DOLPP1: variants seen among roughly 807,000 people sequenced by gnomAD.
The protein encoded by DOLPP1 is dolichyldiphosphatase 1.
Under a neutral mutation model 34.1 loss-of-function variants are expected in DOLPP1, and 15 were observed. That is an observed-to-expected ratio of 0.44 (90% CI 0.29 to 0.68). DOLPP1 has a LOEUF of 0.68. DOLPP1 is among the 30% of genes least tolerant of loss of function. DOLPP1 has a pLI of 0.12. For synonymous variants in DOLPP1, 130 were observed against 128.2 expected (o/e 1.01, Z -0.10); for missense variants, 249 against 307.1 (o/e 0.81, Z 1.41).
chr9:129,081,963 C>CT (rs779316788), intron 1 of DOLPP1, among the ~76,000 whole-genome samples: 9 of 152,230 alleles, frequency 5.9e-5, no homozygotes, highest in Non-Finnish European at 8.8e-5. Context: ...TAATTCATCT[C>CT]TAAAGTGGGA....
chr9:129,086,021 G>C, intron 5 of DOLPP1, 118 bp from the exon 6 acceptor site: 2 of 1,007,776 alleles, frequency 2.0e-6, no homozygotes, highest in East Asian at 4.8e-5. Flanking sequence ...TCAGTGTCCT[G>C]TCTGTGTCTC....
chr9:129,086,149 C>G lies in DOLPP1; in HGVS notation c.472C>G (p.Leu158Val). 2 of 1,613,276 alleles carry G rather than the reference C, an allele frequency of 1.2e-6. No homozygotes were observed. Among genetic ancestry groups the G allele is most frequent in the South Asian group, 2.2e-5 (2 of 91,078 alleles). ...FLVSYSRVYLLYHTWSQVLYG... is the reference protein window; with the variant it reads ...FLVSYSRVYLVYHTWSQVLYG... ...CTGGCCTTGGCCCAGGGTCTACCTG[C>G]TGTACCACACCTGGAGCCAGGTGCT... The change falls in exon 6 of 8, where the codon CTG becomes GTG. Residue 158 changes from leucine (L) to valine (V), a missense_variant. Physicochemically the swap from Leu to Val is conservative, Grantham distance 32. Coordinates refer to ENST00000372546, the MANE Select transcript of DOLPP1 (RefSeq NM_020438.5).
rs1263630941 is a variant in DOLPP1, at chr9:129,089,488, C to T, written c.*481C>T. On this transcript the variant is annotated 3_prime_UTR_variant, in exon 8 of 8. Transcript: ENST00000372546. The surrounding 1 kb of genome is among the most constrained non-coding windows in gnomAD (Gnocchi z 4.9). ...CGGTCAGCTTCCCAGGCCCTTCGCC[C>T]TATGCCCAGAGGGCAGACTGCCTCT... 6.4e-6 allele frequency: 1 copy of T among 157,102 alleles called. No homozygotes were observed. 9.7% of individuals were successfully genotyped at this position (157,102 alleles called of 1,614,324 possible).
At position 129,084,768 on chromosome 9, in the gene DOLPP1, G is replaced by A. The variant is rs774871437; in HGVS notation, c.177G>A (p.Thr59=). The change falls in exon 2 of 8, where the codon ACG becomes ACA. Residue 59 remains threonine, a splice_region_variant and synonymous_variant. Transcript: ENST00000372546. ...TCATATTTAAGCGGGAGCTGCACACGGTGAGTCTGTCTTGCCCACACCCTC... is the reference window on the plus strand; with the variant it reads ...TCATATTTAAGCGGGAGCTGCACACAGTGAGTCTGTCTTGCCCACACCCTC... ...TLIIFKRELH[T]ISFLGGLALN... 4.4e-6 allele frequency: 7 copies of A among 1,607,378 alleles called. No homozygotes were observed. The East Asian group carries it at 8.9e-5, about 20-fold the overall frequency.
Position 129,088,688 on chromosome 9 carries a change from G to C in DOLPP1, c.681-283G>C, listed in dbSNP as rs1172899345. Among the ~76,000 whole-genome samples the C allele has an allele frequency of 3.3e-4, 50 of 152,320 alleles. 1 individual carries two copies. Among genetic ancestry groups the C allele is most frequent in the Admixed American group, 3.3e-3 (50 of 15,292 alleles). On this transcript the variant is annotated intron_variant, in intron 7 of 7. Coordinates refer to ENST00000372546, the MANE Select transcript of DOLPP1 (RefSeq NM_020438.5). ...ATTGGAACCCAGCCAGGTCCCTCTT[G>C]CCTCTGTAGTCTCATCCTGGTCCCT...
rs1272554499 is a variant in DOLPP1 at position 129,085,350 on chromosome 9, C to A, written c.362+44C>A. The A allele has an allele frequency of 6.3e-7, 1 of 1,582,670 alleles. No homozygotes were observed. Among genetic ancestry groups the A allele is most frequent in the Non-Finnish European group, 8.7e-7 (1 of 1,151,728 alleles). On this transcript the variant is annotated intron_variant, in intron 4 of 7. Coordinates refer to ENST00000372546, the MANE Select transcript of DOLPP1 (RefSeq NM_020438.5). This position sits in a 1 kb window ranked among gnomAD's most constrained non-coding sequence, Gnocchi z 7.0. ...CAGGATGGCCCTGAACTTGCTCAGGCCGAGTTCTGCTAGGGACTCACTGCT... is the reference window on the plus strand; with the variant it reads ...CAGGATGGCCCTGAACTTGCTCAGGACGAGTTCTGCTAGGGACTCACTGCT...
At chr9:129,083,129 A>T (rs1407260523) in intron 1 of DOLPP1, among the ~76,000 whole-genome samples, 1 of 152,146 alleles carries the variant, frequency 6.6e-6, no homozygotes, top group African/African-American at 2.4e-5. Flanking sequence ...CAGGGCCAGG[A>T]CTGTGCAGGG....
chr9:129,088,498 T>C (rs924714669), intron 7 of DOLPP1, among the ~76,000 whole-genome samples: 1 of 152,074 alleles, frequency 6.6e-6, no homozygotes, highest in African/African-American at 2.4e-5. Context: ...ACAGCCCAAA[T>C]TGGGTGCTCA....
At chr9:129,087,297 A>G (rs1588432620) in intron 7 of DOLPP1, among the ~76,000 whole-genome samples, 1 of 149,596 alleles carries the variant, frequency 6.7e-6, no homozygotes, top group Non-Finnish European at 1.5e-5. Flanking sequence ...GGGAGTGGGA[A>G]GGCTGGCTTT....
chr9:129,087,230 T>C (rs1197922825), intron 7 of DOLPP1, among the ~76,000 whole-genome samples: 2 of 152,132 alleles, frequency 1.3e-5, no homozygotes, highest in Non-Finnish European at 2.9e-5. Context: ...AGCTGAGCTT[T>C]GGAGACTCCT....
At position 129,085,551 on chromosome 9, in the gene DOLPP1, C is replaced by T. The variant is rs1186231607; in HGVS notation, c.396C>T (p.Asp132=). ...AAACAAACAACGCCAGGTTCCTGGACTTGCTGTGGAGGCACGTGCTCTCCC... is the reference window on the plus strand; with the variant it reads ...AAACAAACAACGCCAGGTTCCTGGATTTGCTGTGGAGGCACGTGCTCTCCC... ...MHQTNNARFL[D]LLWRHVLSLG... Residue 132 remains aspartate (D), a synonymous_variant, in exon 5 of 8, where the codon GAC becomes GAT. Transcript: ENST00000372546. This position sits in a 1 kb window ranked among gnomAD's most constrained non-coding sequence, Gnocchi z 7.0. 1.2e-6 allele frequency: 2 copies of T among 1,613,722 alleles called. No homozygotes were observed. Among genetic ancestry groups the T allele is most frequent in the South Asian group, 2.2e-5 (2 of 91,082 alleles).
intron 1 of DOLPP1, among the ~76,000 whole-genome samples, chr9:129,081,410 G>A (rs1430320616): frequency 3.9e-5 from 6 of 152,084 alleles, no homozygotes; most frequent in Non-Finnish European, 8.8e-5. Flanking sequence ...ATTGTGAGGC[G>A]CTCGCTCGCG....
chr9:129,086,923 C>T, intron 7 of DOLPP1, 125 bp downstream of exon 7: 1 of 734,886 alleles, frequency 1.4e-6, no homozygotes, highest in Non-Finnish European at 2.3e-6. Context: ...TCATTGAATC[C>T]TGCTGTGACC....
chr9:129,086,352 G>T, intron 6 of DOLPP1, 85 bp downstream of exon 6: 1 of 1,516,742 alleles, frequency 6.6e-7, no homozygotes, highest in South Asian at 1.2e-5. Context: ...TAGGAGTCTT[G>T]ACCCCAGCCC....
In DOLPP1 at chr9:129,085,840, A is replaced by T. The variant is rs1014405884; in HGVS notation, c.461+224A>T. Among the ~76,000 whole-genome samples, 1 of 152,224 alleles carries T rather than the reference A, an allele frequency of 6.6e-6. No homozygotes were observed. The highest frequency in any genetic ancestry group is 1.5e-5 in the Non-Finnish European group (1 of 68,028). On this transcript the variant is annotated intron_variant, in intron 5 of 7. Transcript: ENST00000372546. This position sits in a 1 kb window ranked among gnomAD's most constrained non-coding sequence, Gnocchi z 7.0. ...CTGGGACCAACTCCACGTATCAGCC[A>T]TCTCTTCCCAGCGTTCCGGAGGAGC...
rs1847071843 is a variant in DOLPP1, at chr9:129,090,260, C to T, written c.*1253C>T. On this transcript the variant is annotated 3_prime_UTR_variant, in exon 8 of 8. Transcript: ENST00000372546. ...TTAAAGGCAGTGTCCAAAAGCCATT[C>T]CAGATGCCAAGACCAGGGGCTTATT... 1 of 152,722 alleles carries T rather than the reference C, an allele frequency of 6.5e-6. No individual in the cohort carries two copies. Among genetic ancestry groups the T allele is most frequent in the East Asian group, 1.9e-4 (1 of 5,194 alleles). 9.5% of individuals were successfully genotyped at this position (152,722 alleles called of 1,614,324 possible). A position where few individuals can be genotyped will look rare whatever the true frequency, so the allele number is the denominator to read the frequency against.
At chr9:129,086,635 T>TGGTG (rs1178536984) in intron 6 of DOLPP1, 74 bp from the exon 7 acceptor site, 2 of 1,455,764 alleles carry the variant, frequency 1.4e-6, no homozygotes, top group African/African-American at 2.8e-5. Flanking sequence ...CCCCGGGCAA[T>TGGTG]GGTGGGGATG....
intron 6 of DOLPP1, 113 bp from the exon 7 acceptor site, chr9:129,086,596 C>G: frequency 8.8e-7 from 1 of 1,131,616 alleles, no homozygotes; most frequent in South Asian, 1.3e-5. Context: ...GGCAAAGACT[C>G]TAGGCAGTCG....
In DOLPP1 at chr9:129,089,117, C is replaced by T; in HGVS notation, c.*110C>T. 9.6e-7 allele frequency: 1 copy of T among 1,045,218 alleles called. No individual in the cohort carries two copies. The highest frequency in any genetic ancestry group is 2.5e-5 in the East Asian group (1 of 40,550). 64.7% of individuals were successfully genotyped at this position (1,045,218 alleles called of 1,614,324 possible). On this transcript the variant is annotated 3_prime_UTR_variant, in exon 8 of 8. Coordinates refer to ENST00000372546, the MANE Select transcript of DOLPP1 (RefSeq NM_020438.5). The surrounding 1 kb of genome is among the most constrained non-coding windows in gnomAD (Gnocchi z 4.9). ...CAGAGACCTCTACAGACCCAAGTCA[C>T]CAAGTGGAGCCTTTTTTTTTCTTAT... is the stretch of plus-strand genomic sequence containing the variant.
Sources: allele counts gnomAD v4.1 joint callset (sites outside exome capture counted in the v4.1 genomes callset), GRCh38; gene constraint gnomAD v4.1.1; non-coding constraint Gnocchi (gnomAD v3.1); transcripts MANE v1.5; gene names NCBI Gene and HGNC (gene_info 2026-07-23, HGNC 2026-07-21).